Variants in DIAPH2 observed in about 807,000 individuals in gnomAD.
The protein encoded by DIAPH2 is protein diaphanous homolog 2.
In DIAPH2, 35 loss-of-function variants were observed where a neutral mutation model predicts 92.7. That is an observed-to-expected ratio of 0.38 (90% CI 0.29 to 0.50). DIAPH2 has a LOEUF of 0.50. Among genes scored for constraint, DIAPH2 ranks in the 20% least tolerant of loss-of-function variants. The probability of loss-of-function intolerance (pLI) is 0.94; values close to 1 mark genes in which losing one functional copy is unlikely to be tolerated. For missense variants in DIAPH2, 701 were observed against 819.5 expected (o/e 0.86, Z 1.77); for synonymous variants, 301 against 280.4 (o/e 1.07, Z -0.73).
chrX:96,939,564 ATATG>A (rs1288683949), intron 12 of DIAPH2, among the ~76,000 whole-genome samples, 182 bp downstream of exon 12: 22 of 74,463 alleles, frequency 3.0e-4, no homozygotes, highest in Admixed American at 1.4e-3. Context: ...GTATATATAT[ATATG>A]TGTGTGTGTG....
At chrX:97,245,873 C>G (rs2068137300) in intron 22 of DIAPH2, among the ~76,000 whole-genome samples, 1 of 109,946 alleles carries the variant, frequency 9.1e-6, no homozygotes, top group Non-Finnish European at 1.9e-5. Context: ...ACCTAAATAA[C>G]ATAAGTGACT....
intron 26 of DIAPH2, among the ~76,000 whole-genome samples, chrX:97,492,354 G>A (rs886474447): frequency 5.4e-5 from 6 of 111,340 alleles, no homozygotes; most frequent in Admixed American, 2.9e-4. Context: ...AGAATCAGCC[G>A]AGGCTGCAGT....
At chrX:96,944,921 A>G (rs1361939390) in intron 13 of DIAPH2, among the ~76,000 whole-genome samples, 1 of 111,329 alleles carries the variant, frequency 9.0e-6, no homozygotes, top group African/African-American at 3.2e-5. Context: ...TAGATACAGA[A>G]TAGAGTTTAT....
chrX:96,924,447 G>A (rs2147788802), intron 9 of DIAPH2, among the ~76,000 whole-genome samples: 1 of 111,209 alleles, frequency 9.0e-6, no homozygotes, highest in South Asian at 3.8e-4. Context: ...TTCAGTAATA[G>A]AGGGTTGCCA....
In DIAPH2 at chrX:97,551,588, C is replaced by G. The variant is rs557639149; in HGVS notation, c.3242-47665C>G. ...AGCCAGGGCAACAAGAACGAGACTC[C>G]GTTTTTTAAAAAAAAAAAAAAATTA... is the stretch of plus-strand genomic sequence containing the variant. On this transcript the variant is annotated intron_variant, in intron 26 of 26. Coordinates refer to ENST00000324765, the MANE Select transcript of DIAPH2 (RefSeq NM_006729.5). Among the ~76,000 whole-genome samples the G allele has an allele frequency of 3.6e-4, 38 of 104,436 alleles. 1 individual carries two copies. In the South Asian group the frequency reaches 0.016, roughly 45 times the overall value. The allele number at this position is 104,436 out of a possible 115,157, so 90.7% of individuals were successfully genotyped here.
intron 3 of DIAPH2, 119 bp from the exon 4 acceptor site, chrX:96,758,035 C>T (rs1985212380): frequency 1.7e-6 from 1 of 596,408 alleles, no homozygotes; most frequent in African/African-American, 2.3e-5. Flanking sequence ...GGATTTTTGA[C>T]ATTAGTCACC....
Position 96,685,003 on chromosome X carries a change from T to C in DIAPH2, c.-56T>C. The C allele has an allele frequency of 1.0e-6, 1 of 954,150 alleles. No individual in the cohort carries two copies. The highest frequency in any genetic ancestry group is 1.3e-6 in the Non-Finnish European group (1 of 758,908). The allele number at this position is 954,150 out of a possible 1,213,427, so 78.6% of individuals were successfully genotyped here. A position where few individuals can be genotyped will look rare whatever the true frequency, so the allele number is the denominator to read the frequency against. On this transcript the variant is annotated 5_prime_UTR_variant, in exon 1 of 27. Coordinates refer to ENST00000324765, the MANE Select transcript of DIAPH2 (RefSeq NM_006729.5). ...GGGCAGTGTGAGCGCCCCGAGGTGC[T>C]TTCTCAGTTGAGGAGAGGTGGGGTT...
intron 23 of DIAPH2, among the ~76,000 whole-genome samples, chrX:97,253,314 A>AAAATAAAATT (rs1175237756): frequency 9.0e-6 from 1 of 111,136 alleles, no homozygotes; most frequent in African/African-American, 3.3e-5. Context: ...AAAATAAAAT[A>AAAATAAAATT]AAAAAAGAGG....
intron 1 of DIAPH2, among the ~76,000 whole-genome samples, chrX:96,734,414 T>C (rs140530706): frequency 8.9e-6 from 1 of 111,934 alleles, no homozygotes; most frequent in Non-Finnish European, 1.9e-5. Flanking sequence ...TCTCTCTGAT[T>C]TGGTATTGCA....
At chrX:97,191,520 T>C in intron 22 of DIAPH2, among the ~76,000 whole-genome samples, 1 of 110,864 alleles carries the variant, frequency 9.0e-6, no homozygotes, top group Non-Finnish European at 1.9e-5. Context: ...GAGAGTAGTC[T>C]CACTCTTCTC....
chrX:97,306,635 T>G lies in DIAPH2; in HGVS notation c.2845-41481T>G, dbSNP rs1048353865. Among the ~76,000 whole-genome samples, 6 of 111,844 alleles carry G rather than the reference T, an allele frequency of 5.4e-5. No individual in the cohort carries two copies. The Admixed American group carries it at 5.7e-4, about 11-fold the overall frequency. ...TTTCCTTGCAATCCGTTTATCATTT[T>G]CCTTCTTCTCCACATGCCAATACAC... On this transcript the variant is annotated intron_variant, in intron 23 of 26. Coordinates refer to ENST00000324765, the MANE Select transcript of DIAPH2 (RefSeq NM_006729.5).
intron 17 of DIAPH2, among the ~76,000 whole-genome samples, chrX:97,050,950 A>G (rs910610243): frequency 5.3e-5 from 6 of 112,156 alleles, no homozygotes; most frequent in African/African-American, 1.9e-4. Context: ...TGATTTTGTT[A>G]AAAGTATCAC....
chrX:97,356,100 G>A (rs1025424088), intron 24 of DIAPH2, among the ~76,000 whole-genome samples: 3 of 111,622 alleles, frequency 2.7e-5, no homozygotes, highest in Non-Finnish European at 5.6e-5. Flanking sequence ...GTGGTATTAT[G>A]TTCAGTGCAG....
chrX:97,262,524 C>T (rs1189933752), intron 23 of DIAPH2, among the ~76,000 whole-genome samples: 2 of 112,027 alleles, frequency 1.8e-5, no homozygotes, highest in Non-Finnish European at 3.8e-5. Flanking sequence ...TCATGGAAGA[C>T]ATTGTATAAG....
chrX:97,052,611 T>A (rs940991707), intron 17 of DIAPH2, among the ~76,000 whole-genome samples: 4 of 110,763 alleles, frequency 3.6e-5, no homozygotes, highest in Non-Finnish European at 7.6e-5. Context: ...TGAGAGGGCC[T>A]GAGAGTCTGA....
At chrX:97,123,677 C>T (rs1365477960) in intron 21 of DIAPH2, among the ~76,000 whole-genome samples, 2 of 112,185 alleles carry the variant, frequency 1.8e-5, no homozygotes, top group Non-Finnish European at 3.8e-5. Flanking sequence ...ACCTCTAATG[C>T]CCTTCATTGC....
At chrX:96,909,722 C>G (rs1209994179) in intron 5 of DIAPH2, among the ~76,000 whole-genome samples, 1 of 111,088 alleles carries the variant, frequency 9.0e-6, no homozygotes, top group Non-Finnish European at 1.9e-5. Context: ...ATAATAGGTC[C>G]TGCCTCCTCA....
At chrX:97,407,271 T>C (rs1028986726) in intron 25 of DIAPH2, among the ~76,000 whole-genome samples, 5 of 112,064 alleles carry the variant, frequency 4.5e-5, no homozygotes, top group Non-Finnish European at 7.5e-5. Context: ...TCTTCAGATA[T>C]ATTACATATC....
chrX:97,479,409 A>G (rs1183400941), intron 26 of DIAPH2, among the ~76,000 whole-genome samples: 2 of 112,216 alleles, frequency 1.8e-5, no homozygotes, highest in African/African-American at 6.5e-5. Flanking sequence ...AGCAAAGGAG[A>G]TGAAGAGCCT....
Sources: allele counts gnomAD v4.1 joint callset (sites outside exome capture counted in the v4.1 genomes callset), GRCh38; gene constraint gnomAD v4.1.1; transcripts MANE v1.5; gene names NCBI Gene and HGNC (gene_info 2026-07-23, HGNC 2026-07-21).